SMOC2: variants seen among roughly 807,000 people sequenced by gnomAD.
SMOC2 encodes the protein SPARC-related modular calcium-binding protein 2.
In SMOC2, 39 loss-of-function variants were observed where a neutral mutation model predicts 61.4. The observed-to-expected ratio is 0.64, with a 90% CI of 0.49 to 0.83. The LOEUF is 0.83. Ranked by LOEUF, SMOC2 falls within the 40% of genes least tolerant of loss-of-function variation. SMOC2 has a pLI of 0.00. For synonymous variants in SMOC2, 247 were observed against 239.9 expected, an observed-to-expected ratio of 1.03 and a Z score of -0.27; for missense variants, 556 against 592.9, an observed-to-expected ratio of 0.94 and a Z score of 0.65.
intron 1 of SMOC2, among the ~76,000 whole-genome samples, chr6:168,496,372 C>CTA (rs1782590613): frequency 6.6e-6 from 1 of 152,214 alleles, no homozygotes; most frequent in Non-Finnish European, 1.5e-5. Context: ...ACAGCAGCCA[C>CTA]TAGCACAGGA....
chr6:168,640,376 GGGGGGCTGCTGCATTCCC>G (rs1242128629), intron 9 of SMOC2, among the ~76,000 whole-genome samples: 4 of 152,046 alleles, frequency 2.6e-5, no homozygotes, highest in Non-Finnish European at 5.9e-5. Context: ...AGGCTGCGGC[GGGGGGCTGCTGCATTCCC>G]GGGGGCTGCT....
intron 2 of SMOC2, among the ~76,000 whole-genome samples, chr6:168,523,379 C>A (rs1275558076): frequency 1.4e-5 from 2 of 147,726 alleles, no homozygotes; most frequent in Non-Finnish European, 3.0e-5. Flanking sequence ...TGAGCCACCG[C>A]GCCCGGCCAG....
rs182679945 is a variant in SMOC2, at chr6:168,574,951, G to C, written c.638-23867G>C. ...TGCGGGGGCTGCTTCCTGTGGTGCT[G>C]CTGATCTGCAAAAGCTAAACATTTA... On this transcript the variant is annotated intron_variant, in intron 7 of 12. Transcript: ENST00000356284. Among the ~76,000 whole-genome samples the C allele has an allele frequency of 2.0e-5, 3 of 152,326 alleles. No individual in the cohort carries two copies. In the East Asian group the frequency reaches 5.8e-4, roughly 29 times the overall value.
At position 168,553,104 on chromosome 6, in the gene SMOC2, G is replaced by C. The variant is rs1784167862; in HGVS notation, c.637+3901G>C. Among the ~76,000 whole-genome samples the C allele has an allele frequency of 1.3e-5, 2 of 152,030 alleles. No homozygotes were observed. Among genetic ancestry groups the C allele is most frequent in the Non-Finnish European group, 2.9e-5 (2 of 68,016 alleles). ...CATAACTGGAAAAGAGAGAATCTAG[G>C]CACCCCTAGAGGTTGCCTATTAGAC... On this transcript the variant is annotated intron_variant, in intron 7 of 12. Transcript: ENST00000356284. The surrounding 1 kb of genome is among the most constrained non-coding windows in gnomAD (Gnocchi z 4.2).
intron 9 of SMOC2, among the ~76,000 whole-genome samples, chr6:168,610,850 C>T (rs190342069): frequency 1.8e-3 from 268 of 152,314 alleles, no homozygotes; most frequent in Non-Finnish European, 2.8e-3. Context: ...GAAGGTTCTT[C>T]TTTCATTGTG....
chr6:168,444,639 TGAA>T (rs1201653764), intron 1 of SMOC2, among the ~76,000 whole-genome samples: 1 of 152,206 alleles, frequency 6.6e-6, no homozygotes, highest in Non-Finnish European at 1.5e-5. Flanking sequence ...ATTTCTTCCT[TGAA>T]GAAGGAGGTA....
chr6:168,443,540 A>G (rs1001452079), intron 1 of SMOC2, among the ~76,000 whole-genome samples: 2 of 152,204 alleles, frequency 1.3e-5, no homozygotes, highest in African/African-American at 4.8e-5. Context: ...AAGCCATAAC[A>G]CATTTTGGCA....
At chr6:168,447,797 A>C (rs962591513) in intron 1 of SMOC2, among the ~76,000 whole-genome samples, 2 of 149,996 alleles carry the variant, frequency 1.3e-5, no homozygotes, top group African/African-American at 2.5e-5. Context: ...GATTTTAGTC[A>C]CTTCTTAAAG....
intron 9 of SMOC2, among the ~76,000 whole-genome samples, chr6:168,624,150 G>A (rs1208793260): frequency 6.6e-6 from 1 of 152,222 alleles, no homozygotes; most frequent in Non-Finnish European, 1.5e-5. Context: ...TGAGAACTTA[G>A]ACGGTGTCAG....
chr6:168,577,788 C>T (rs745967694), intron 7 of SMOC2, among the ~76,000 whole-genome samples: 11 of 152,180 alleles, frequency 7.2e-5, no homozygotes, highest in Non-Finnish European at 1.3e-4. Context: ...CTGGAGGTGA[C>T]GAGACAGCAA....
intron 7 of SMOC2, among the ~76,000 whole-genome samples, chr6:168,596,598 G>T (rs957812884): frequency 6.6e-6 from 1 of 152,204 alleles, no homozygotes; most frequent in Non-Finnish European, 1.5e-5. Context: ...CTCCGGAGGC[G>T]CAGTTCCATT....
In SMOC2 at chr6:168,553,508, T is replaced by C. The variant is rs1784176916; in HGVS notation, c.637+4305T>C. ...TTTCTAGATTTCTGCCTGATTTCCT[T>C]TAAAACCAATCTAAAACTGAAGAGG... On this transcript the variant is annotated intron_variant, in intron 7 of 12. Coordinates refer to ENST00000356284, the MANE Select transcript of SMOC2 (RefSeq NM_001166412.2). This position sits in a 1 kb window ranked among gnomAD's most constrained non-coding sequence, Gnocchi z 4.2. Among the ~76,000 whole-genome samples, 1 of 152,212 alleles carries C rather than the reference T, an allele frequency of 6.6e-6. No individual in the cohort carries two copies. The highest frequency in any genetic ancestry group is 2.4e-5 in the African/African-American group (1 of 41,458).
chr6:168,603,922 G>A (rs1268048688), intron 8 of SMOC2, among the ~76,000 whole-genome samples: 1 of 152,204 alleles, frequency 6.6e-6, no homozygotes, highest in African/African-American at 2.4e-5. Context: ...AAGGTGGGGT[G>A]TATCAGTTAG....
rs1202641864 is a variant in SMOC2, at chr6:168,560,536, TCATTTTCCTGCCCTGAGACACGAGGC to T, written c.637+11334_637+11359del. 3.2e-3 allele frequency among the ~76,000 whole-genome samples: 468 copies of T among 144,578 alleles called. 31 individuals are homozygous for T. The highest frequency in any genetic ancestry group is 5.0e-3 in the Non-Finnish European group (330 of 65,460). 94.8% of individuals were successfully genotyped at this position (144,578 alleles called of 152,430 possible). ...TCTCACTGCGTTCTTGGAGGAGGTG[TCATTTTCCTGCCCTGAGACACGAGGC>T]TCTCACTGCATTCTTGGAGGAGGTG... On this transcript the variant is annotated intron_variant, in intron 7 of 12. Coordinates refer to ENST00000356284, the MANE Select transcript of SMOC2 (RefSeq NM_001166412.2).
chr6:168,546,357 T>C (rs1784000090), intron 5 of SMOC2, among the ~76,000 whole-genome samples: 1 of 149,260 alleles, frequency 6.7e-6, no homozygotes, highest in African/African-American at 2.5e-5. Flanking sequence ...GACTCCTGAC[T>C]CACAGGCTCC....
chr6:168,504,937 T>C (rs956730247), intron 1 of SMOC2, among the ~76,000 whole-genome samples: 7 of 151,910 alleles, frequency 4.6e-5, no homozygotes, highest in Non-Finnish European at 8.8e-5. Flanking sequence ...TCGAAGACAA[T>C]AAAATACTGA....
intron 7 of SMOC2, among the ~76,000 whole-genome samples, chr6:168,594,647 G>C (rs375222754): frequency 1.0e-3 from 8 of 7,892 alleles, no homozygotes; most frequent in Admixed American, 3.3e-3. Context: ...TCTAGAGGAT[G>C]GCCGAGCTCC....
intron 1 of SMOC2, among the ~76,000 whole-genome samples, chr6:168,478,947 G>T (rs1023382212): frequency 6.6e-6 from 1 of 151,886 alleles, no homozygotes; most frequent in Admixed American, 6.6e-5. Context: ...TCGGGAAAAG[G>T]AGTCAGGAAC....
intron 2 of SMOC2, among the ~76,000 whole-genome samples, chr6:168,515,488 T>A (rs1276962094): frequency 6.6e-6 from 1 of 152,240 alleles, no homozygotes. Context: ...GTTAAGTCTG[T>A]TCCCTGCTGG....
Sources: allele counts gnomAD v4.1 joint callset (sites outside exome capture counted in the v4.1 genomes callset), GRCh38; gene constraint gnomAD v4.1.1; non-coding constraint Gnocchi (gnomAD v3.1); transcripts MANE v1.5; gene names NCBI Gene and HGNC (gene_info 2026-07-23, HGNC 2026-07-21).